Variants in SHISA6 observed in about 807,000 individuals in gnomAD.
SHISA6 encodes the protein shisa family member 6, also known as protein shisa-6.
A neutral mutation model predicts 47.9 loss-of-function variants in SHISA6; 22 were observed. The observed-to-expected ratio is 0.46, with a 90% CI of 0.33 to 0.66. The LOEUF is 0.66. Ranked by LOEUF, SHISA6 falls within the 30% of genes least tolerant of loss-of-function variation. The pLI is 0.02. For missense variants in SHISA6, 680 were observed against 764.6 expected, an observed-to-expected ratio of 0.89 and a Z score of 1.30; for synonymous variants, 388 against 337.8, an observed-to-expected ratio of 1.15 and a Z score of -1.63.
Position 11,355,277 on chromosome 17 carries a change from A to T in SHISA6, c.800-24137A>T, listed in dbSNP as rs184520540. Among the ~76,000 whole-genome samples, 33 of 152,322 alleles carry T rather than the reference A, an allele frequency of 2.2e-4. No individual in the cohort carries two copies. The East Asian group carries it at 5.6e-3, about 26-fold the overall frequency. ...CTGAGAAGCTGTTCCATCAAACTGA[A>T]GTCGTATTCCGAAAACTGTCCCCTC... On this transcript the variant is annotated intron_variant, in intron 2 of 5. Coordinates refer to ENST00000441885, the MANE Select transcript of SHISA6 (RefSeq NM_207386.4).
At chr17:11,301,729 G>T (rs531527433) in intron 2 of SHISA6, among the ~76,000 whole-genome samples, 1 of 152,168 alleles carries the variant, frequency 6.6e-6, no homozygotes, top group Non-Finnish European at 1.5e-5. Flanking sequence ...ATGTCATGCC[G>T]GTAGAAAGGA....
In SHISA6 at chr17:11,367,961, G is replaced by A. The variant is rs117303729; in HGVS notation, c.800-11453G>A. Among the ~76,000 whole-genome samples, 155 of 152,218 alleles carry A rather than the reference G, an allele frequency of 1.0e-3. 3 individuals are homozygous for A. In the East Asian group the frequency reaches 0.024, roughly 23 times the overall value. On this transcript the variant is annotated intron_variant, in intron 2 of 5. Transcript: ENST00000441885. ...GTGGTCCCTTGAGCAGATGCTGGCC[G>A]GACAGCTCCCCCACCTAGAGTGCTT...
chr17:11,469,784 T>C (rs908800037), intron 3 of SHISA6, among the ~76,000 whole-genome samples: 1 of 152,212 alleles, frequency 6.6e-6, no homozygotes, highest in African/African-American at 2.4e-5. Flanking sequence ...GCTTCCCAGC[T>C]GGCCTCAGCA....
At chr17:11,409,990 A>G (rs999258694) in intron 3 of SHISA6, among the ~76,000 whole-genome samples, 4 of 152,226 alleles carry the variant, frequency 2.6e-5, no homozygotes, top group African/African-American at 9.6e-5. Flanking sequence ...AGAAAATGGT[A>G]AGAGTCATAG....
chr17:11,459,052 A>G (rs1347166077), intron 3 of SHISA6, among the ~76,000 whole-genome samples: 1 of 151,732 alleles, frequency 6.6e-6, no homozygotes, highest in African/African-American at 2.4e-5. Flanking sequence ...TCTACTAAAA[A>G]AAAAAAATGC....
chr17:11,350,280 C>T (rs899871853), intron 2 of SHISA6, among the ~76,000 whole-genome samples: 36 of 60,608 alleles, frequency 5.9e-4, no homozygotes, highest in African/African-American at 2.2e-3. Flanking sequence ...CCCGGGTTCA[C>T]GCCATTCTCC....
rs79335662 is a variant in SHISA6 at position 11,378,588 on chromosome 17, C to T, written c.800-826C>T. Among the ~76,000 whole-genome samples the T allele has an allele frequency of 6.4e-3, 978 of 152,200 alleles. 13 individuals are homozygous for T. Among genetic ancestry groups the T allele is most frequent in the African/African-American group, 0.022 (915 of 41,512 alleles). On this transcript the variant is annotated intron_variant, in intron 2 of 5. Transcript: ENST00000441885. ...TTTTTTACAATGCCTGTATTTCAAG[C>T]GTACTGCAAAATCCTATTTTGAATG...
intron 2 of SHISA6, among the ~76,000 whole-genome samples, chr17:11,296,094 T>C (rs568636981): frequency 6.6e-6 from 1 of 151,614 alleles, no homozygotes; most frequent in South Asian, 2.1e-4. Context: ...GACTCCTGCG[T>C]AGTGGAAGAA....
intron 2 of SHISA6, among the ~76,000 whole-genome samples, chr17:11,293,534 C>T (rs1395677755): frequency 6.6e-6 from 1 of 152,062 alleles, no homozygotes; most frequent in Non-Finnish European, 1.5e-5. Context: ...GCCTGGGCAT[C>T]CTCGGAAGTA....
chr17:11,255,948 C>T (rs961808324), intron 1 of SHISA6, among the ~76,000 whole-genome samples: 29 of 152,346 alleles, frequency 1.9e-4, no homozygotes, highest in African/African-American at 6.7e-4. Context: ...AAGCACTTTA[C>T]AACTATTACA....
intron 3 of SHISA6, among the ~76,000 whole-genome samples, chr17:11,393,083 T>C (rs1913443105): frequency 6.6e-6 from 1 of 152,252 alleles, no homozygotes; most frequent in South Asian, 2.1e-4. Context: ...TCTTTAGATA[T>C]GAGACATTCC....
At chr17:11,537,226 G>A (rs1178833860) in intron 3 of SHISA6, among the ~76,000 whole-genome samples, 2 of 152,064 alleles carry the variant, frequency 1.3e-5, no homozygotes. Context: ...AGCTCCAAGG[G>A]GACCCTGAGT....
At chr17:11,538,511 G>C (rs575847794) in intron 3 of SHISA6, among the ~76,000 whole-genome samples, 45 of 152,276 alleles carry the variant, frequency 3.0e-4, no homozygotes, top group African/African-American at 1.1e-3. Flanking sequence ...TGAGTCCCTG[G>C]CATGTTGAGT....
In SHISA6 at chr17:11,297,845, C is replaced by A. The variant is rs140599564; in HGVS notation, c.799+34319C>A. 1.7e-3 allele frequency among the ~76,000 whole-genome samples: 255 copies of A among 152,194 alleles called. 1 individual carries two copies. Among genetic ancestry groups the A allele is most frequent in the African/African-American group, 5.9e-3 (243 of 41,532 alleles). On this transcript the variant is annotated intron_variant, in intron 2 of 5. Coordinates refer to ENST00000441885, the MANE Select transcript of SHISA6 (RefSeq NM_207386.4). Reference sequence around the variant, plus strand: ...TATTGCCCTTCAGCGAAAGAAGGAGCAATTAATTCCTTGGTGTTAGCAGGA... The same window carrying A: ...TATTGCCCTTCAGCGAAAGAAGGAGAAATTAATTCCTTGGTGTTAGCAGGA...
chr17:11,460,992 T>G (rs576829699), intron 3 of SHISA6, among the ~76,000 whole-genome samples: 2 of 152,358 alleles, frequency 1.3e-5, no homozygotes, highest in Non-Finnish European at 2.9e-5. Flanking sequence ...ATTGATTAAT[T>G]AATGAATGAT....
chr17:11,331,616 T>G (rs1911116799), intron 2 of SHISA6, among the ~76,000 whole-genome samples: 1 of 152,120 alleles, frequency 6.6e-6, no homozygotes, highest in African/African-American at 2.4e-5. Context: ...GAGCACCCCA[T>G]GCATGCACTC....
At chr17:11,475,568 G>A (rs1270686286) in intron 3 of SHISA6, among the ~76,000 whole-genome samples, 2 of 152,012 alleles carry the variant, frequency 1.3e-5, no homozygotes, top group Non-Finnish European at 2.9e-5. Flanking sequence ...GCCTGTTGAT[G>A]TGATGGATTA....
chr17:11,542,993 T>G (rs1470545058), intron 3 of SHISA6, among the ~76,000 whole-genome samples: 1 of 152,176 alleles, frequency 6.6e-6, no homozygotes, highest in East Asian at 1.9e-4. Context: ...CAGCTTGATT[T>G]CCATCTGTCT....
chr17:11,520,620 C>T (rs1248996081), intron 3 of SHISA6, among the ~76,000 whole-genome samples: 1 of 152,130 alleles, frequency 6.6e-6, no homozygotes, highest in East Asian at 1.9e-4. Context: ...TCATCTCTTT[C>T]CTACGTCAGG....
Sources: allele counts gnomAD v4.1 joint callset (sites outside exome capture counted in the v4.1 genomes callset), GRCh38; gene constraint gnomAD v4.1.1; transcripts MANE v1.5; gene names NCBI Gene and HGNC (gene_info 2026-07-23, HGNC 2026-07-21).